Variants in MGRN1 observed in about 807,000 individuals in gnomAD.
MGRN1 encodes the protein mahogunin ring finger 1.
MGRN1 carries 29 observed loss-of-function variants against 69.2 expected under a neutral mutation model. The observed-to-expected ratio is 0.42, with a 90% CI of 0.31 to 0.57. The LOEUF is 0.57. Ranked by LOEUF, MGRN1 falls within the 20% of genes least tolerant of loss-of-function variation. MGRN1 has a pLI of 0.15. For synonymous variants in MGRN1, 470 were observed against 344.2 expected (o/e 1.37, Z -4.04); for missense variants, 998 against 796.2 (o/e 1.25, Z -3.05).
chr16:4,672,340 G>T (rs563339695), intron 9 of MGRN1: 4 of 456,536 alleles, frequency 8.8e-6, no homozygotes, highest in African/African-American at 4.0e-5. Flanking sequence ...AGACCACCAC[G>T]CCTGGTCGAT....
chr16:4,637,928 T>C (rs762953786), intron 1 of MGRN1, among the ~76,000 whole-genome samples: 3 of 152,116 alleles, frequency 2.0e-5, no homozygotes, highest in Non-Finnish European at 4.4e-5. Flanking sequence ...ACAAAAAAGG[T>C]GACTACAGCT....
chr16:4,671,078 G>A (rs1417461080), intron 8 of MGRN1, among the ~76,000 whole-genome samples: 1 of 152,328 alleles, frequency 6.6e-6, no homozygotes, highest in East Asian at 1.9e-4. Flanking sequence ...TCCTCGTGGG[G>A]CTGGTGGTGG....
At chr16:4,676,409 C>T (rs2079054103) in intron 10 of MGRN1, among the ~76,000 whole-genome samples, 1 of 152,180 alleles carries the variant, frequency 6.6e-6, no homozygotes, top group Non-Finnish European at 1.5e-5. Flanking sequence ...GGGCTGCTTT[C>T]CAGGGAGGGT....
chr16:4,654,650 C>T (rs1464786570), intron 4 of MGRN1, among the ~76,000 whole-genome samples: 1 of 152,260 alleles, frequency 6.6e-6, no homozygotes, highest in Non-Finnish European at 1.5e-5. Context: ...CACATGACTG[C>T]TTGTGCCTCT....
intron 1 of MGRN1, among the ~76,000 whole-genome samples, chr16:4,626,874 G>A (rs771362007): frequency 6.6e-6 from 1 of 152,202 alleles, no homozygotes; most frequent in Non-Finnish European, 1.5e-5. Flanking sequence ...AGCTGCCTGG[G>A]TCATGTTGCC....
intron 16 of MGRN1, chr16:4,686,242 T>C (rs1205374137): frequency 6.5e-7 from 1 of 1,541,242 alleles, no homozygotes; most frequent in Non-Finnish European, 8.7e-7. Context: ...CGTCTGTCTC[T>C]CCCCCTCTCC....
At chr16:4,680,207 C>G (rs1236927075) in intron 12 of MGRN1, 110 bp downstream of exon 12, 1 of 1,064,032 alleles carries the variant, frequency 9.4e-7, no homozygotes, top group Non-Finnish European at 1.4e-6. Context: ...ATTCATATAA[C>G]CCGTCAGCTC....
chr16:4,630,290 G>A (rs1897932600), intron 1 of MGRN1, among the ~76,000 whole-genome samples: 2 of 150,774 alleles, frequency 1.3e-5, no homozygotes, highest in East Asian at 2.0e-4. Flanking sequence ...GCGCGGCAGA[G>A]GTTGCAGTGA....
At chr16:4,682,787 CCT>C (rs1567238018) in intron 13 of MGRN1, 34 bp from the exon 14 acceptor site, 1 of 1,497,446 alleles carries the variant, frequency 6.7e-7, no homozygotes, top group African/African-American at 1.4e-5. Context: ...TTGTCGTTAT[CCT>C]CTCACCCCTG....
intron 7 of MGRN1, among the ~76,000 whole-genome samples, chr16:4,667,187 C>A (rs2078824119): frequency 1.3e-5 from 2 of 152,228 alleles, no homozygotes; most frequent in Admixed American, 1.3e-4. Context: ...CCACCTCCAG[C>A]CCCATGTGCA....
At chr16:4,631,978 T>C (rs1051662420) in intron 1 of MGRN1, among the ~76,000 whole-genome samples, 1 of 150,732 alleles carries the variant, frequency 6.6e-6, no homozygotes, top group Middle Eastern at 3.4e-3. Flanking sequence ...ATATATTGCC[T>C]TCCCAATCTA....
intron 4 of MGRN1, 21 bp downstream of exon 4, chr16:4,652,845 G>C (rs1382469605): frequency 1.9e-6 from 3 of 1,575,874 alleles, no homozygotes; most frequent in African/African-American, 1.3e-5. Flanking sequence ...CGGGCGGCTG[G>C]CACCGGCCTG....
At chr16:4,640,575 GTGT>G (rs1227291358) in intron 1 of MGRN1, 5 of 152,340 alleles carry the variant, frequency 3.3e-5, no homozygotes, top group African/African-American at 7.2e-5. Context: ...TGTTTTAGTG[GTGT>G]TCGAGGACTG....
chr16:4,664,638 T>C (rs1659479), intron 5 of MGRN1, 71 bp from the exon 6 acceptor site: 750,750 of 1,509,352 alleles, frequency 0.5, 188,916 homozygotes, highest in East Asian at 0.66. Flanking sequence ...TCCAGCTCAT[T>C]TGTTGACCGA....
intron 1 of MGRN1, among the ~76,000 whole-genome samples, chr16:4,642,568 C>T (rs907839982): frequency 5.3e-5 from 8 of 151,936 alleles, no homozygotes; most frequent in African/African-American, 1.9e-4. Context: ...TTGTGATCCG[C>T]CCGCCTCGGC....
At chr16:4,665,026 A>G (rs1251608394) in intron 6 of MGRN1, 76 bp from the exon 7 acceptor site, 2 of 1,548,722 alleles carry the variant, frequency 1.3e-6, no homozygotes, top group Non-Finnish European at 8.9e-7. Flanking sequence ...CCGCAGGCCT[A>G]CCAGGGTCGG....
intron 1 of MGRN1, among the ~76,000 whole-genome samples, chr16:4,631,519 C>G (rs1030158445): frequency 9.8e-5 from 15 of 152,306 alleles, no homozygotes; most frequent in African/African-American, 3.6e-4. Flanking sequence ...TGGGTAGAGG[C>G]CACAGGACAG....
Position 4,690,763 on chromosome 16 carries a change from A to G in MGRN1, c.*1855A>G, listed in dbSNP as rs775637758. 2 of 137,264 alleles carry G rather than the reference A, an allele frequency of 1.5e-5. No individual in the cohort carries two copies. The highest frequency in any genetic ancestry group is 7.1e-5 in the Admixed American group (1 of 14,132). 8.5% of individuals were successfully genotyped at this position (137,264 alleles called of 1,614,324 possible). On this transcript the variant is annotated 3_prime_UTR_variant, in exon 17 of 17. Coordinates refer to ENST00000262370, the MANE Select transcript of MGRN1 (RefSeq NM_015246.4). ...CTCTCCCCCCATGCACCTCTCCCCA[A>G]CAACACACACAGCCCCCTGCACCGC...
chr16:4,654,631 G>C (rs1287920938), intron 4 of MGRN1, among the ~76,000 whole-genome samples: 2 of 152,260 alleles, frequency 1.3e-5, no homozygotes, highest in Non-Finnish European at 2.9e-5. Flanking sequence ...CCGCTGAGTG[G>C]CTTGGGGGCA....
Sources: gnomAD v4.1 joint callset for allele counts (sites outside exome capture counted in the v4.1 genomes callset) on GRCh38, gnomAD v4.1.1 for gene constraint, MANE v1.5 for transcripts, NCBI Gene and HGNC (gene_info 2026-07-23, HGNC 2026-07-21) for gene names.